MED1: variants seen among roughly 807,000 people sequenced by gnomAD.
MED1 encodes mediator complex subunit 1.
Under a neutral mutation model 121.3 loss-of-function variants are expected in MED1, and 17 were observed. The observed-to-expected ratio is 0.14, with a 90% CI of 0.10 to 0.21. The LOEUF (loss-of-function observed/expected upper bound fraction) is 0.21. MED1 is among the 10% of genes least tolerant of loss of function. The pLI, the probability that MED1 is intolerant of heterozygous loss-of-function variation, is 1.00. For synonymous variants in MED1, 661 were observed against 694.4 expected, an observed-to-expected ratio of 0.95 and a Z score of 0.76; for missense variants, 1,558 against 1,919.4, an observed-to-expected ratio of 0.81 and a Z score of 3.52.
intron 10 of MED1, among the ~76,000 whole-genome samples, chr17:39,425,777 G>A (rs2048509218): frequency 6.6e-6 from 1 of 151,336 alleles, no homozygotes; most frequent in Non-Finnish European, 1.5e-5. Context: ...ACTCCAGCCT[G>A]GGCGACAGAG....
Position 39,405,452 on chromosome 17 carries a change from C to A in MED1, c.*2023G>T. The A allele has an allele frequency of 7.2e-7, 1 of 1,393,994 alleles. No individual in the cohort carries two copies. Among genetic ancestry groups the A allele is most frequent in the Non-Finnish European group, 9.3e-7 (1 of 1,069,584 alleles). The allele number at this position is 1,393,994 out of a possible 1,614,324, so 86.4% of individuals were successfully genotyped here. A position where few individuals can be genotyped will look rare whatever the true frequency, so the allele number is the denominator to read the frequency against. On this transcript the variant is annotated 3_prime_UTR_variant, in exon 17 of 17. Coordinates refer to ENST00000300651, the MANE Select transcript of MED1 (RefSeq NM_004774.4). ...CCCACTCAGAACAAATTTTAAAAACCACATAAATTTTTTTTTTTTTCCTGC... is the reference window on the plus strand; with the variant it reads ...CCCACTCAGAACAAATTTTAAAAACAACATAAATTTTTTTTTTTTTCCTGC...
At position 39,408,549 on chromosome 17, in the gene MED1, A is replaced by C. The variant is rs1479426919; in HGVS notation, c.3672T>G (p.Pro1224=). ...GAGAACCACCAGAACCTGAACTGAT[A>C]GGGGACTTGGCTTTAGAGGATGGAG... is the stretch of plus-strand genomic sequence containing the variant. ...GTPPSSKAKS[P]ISSGSGGSHM... The change falls in exon 17 of 17, where the codon CCT becomes CCG. Residue 1224 remains proline, a synonymous_variant. Transcript: ENST00000300651. The surrounding 1 kb of genome is among the most constrained non-coding windows in gnomAD (Gnocchi z 4.7). The C allele has an allele frequency of 1.2e-6, 2 of 1,614,202 alleles. No individual in the cohort carries two copies. Among genetic ancestry groups the C allele is most frequent in the South Asian group, 2.2e-5 (2 of 91,082 alleles).
At chr17:39,427,852 T>C in intron 9 of MED1, 62 bp from the exon 10 acceptor site, 1 of 993,382 alleles carries the variant, frequency 1.0e-6, no homozygotes, top group East Asian at 2.5e-5. Flanking sequence ...CAGAAAAACA[T>C]TAACATTTAT....
chr17:39,414,733 A>G (rs12948560), intron 16 of MED1, among the ~76,000 whole-genome samples: 100,320 of 143,902 alleles, frequency 0.7, 35,182 homozygotes, highest in South Asian at 0.89. Context: ...GCAATGGCGC[A>G]ATCTTGGCTC....
chr17:39,444,744 C>T (rs546109403), intron 2 of MED1, among the ~76,000 whole-genome samples: 1 of 152,098 alleles, frequency 6.6e-6, no homozygotes, highest in South Asian at 2.1e-4. Flanking sequence ...TGGTACGCGC[C>T]TGTAGTCCCA....
chr17:39,435,894 G>A (rs992814398), intron 6 of MED1, among the ~76,000 whole-genome samples: 7 of 152,094 alleles, frequency 4.6e-5, no homozygotes, highest in African/African-American at 1.4e-4. Flanking sequence ...GTAGACATAA[G>A]GTTTCACCAT....
intron 16 of MED1, 48 bp from the exon 17 acceptor site, chr17:39,410,769 A>AT: frequency 6.5e-7 from 1 of 1,542,690 alleles, no homozygotes; most frequent in Admixed American, 2.0e-5. Flanking sequence ...TAGCTGCTGA[A>AT]TGAGACCTGA....
rs377392654 is a variant in MED1 at position 39,431,064 on chromosome 17, C to T, written c.649+51G>A. On this transcript the variant is annotated intron_variant, in intron 9 of 16. Coordinates refer to ENST00000300651, the MANE Select transcript of MED1 (RefSeq NM_004774.4). ...TAAAGGTGAAATGAAAAGTAATGAC[C>T]CTCAACTTAAATTACACATGTTTCT... 2.5e-4 allele frequency: 365 copies of T among 1,449,504 alleles called. 2 individuals are homozygous for T. Among genetic ancestry groups the T allele is most frequent in the Non-Finnish European group, 3.4e-4 (348 of 1,036,454 alleles). 89.8% of individuals were successfully genotyped at this position (1,449,504 alleles called of 1,614,324 possible).
At chr17:39,414,938 G>A in intron 16 of MED1, 88 bp downstream of exon 16, 1 of 1,164,662 alleles carries the variant, frequency 8.6e-7, no homozygotes, top group Admixed American at 1.7e-5. Flanking sequence ...AAAGTGTGGG[G>A]ATTACAGGCG....
At chr17:39,415,881 T>C (rs1186065122) in intron 14 of MED1, among the ~76,000 whole-genome samples, 2 of 141,948 alleles carry the variant, frequency 1.4e-5, no homozygotes, top group African/African-American at 5.3e-5. Flanking sequence ...TCCTAGCTAC[T>C]CAGAGGGCTG....
intron 8 of MED1, 71 bp from the exon 9 acceptor site, chr17:39,431,259 G>C: frequency 1.6e-6 from 2 of 1,222,758 alleles, no homozygotes; most frequent in Non-Finnish European, 2.3e-6. Context: ...GTGATATTGA[G>C]TTCACCTCTC....
intron 14 of MED1, among the ~76,000 whole-genome samples, chr17:39,417,060 G>A (rs2048416030): frequency 6.6e-6 from 1 of 152,068 alleles, no homozygotes; most frequent in Non-Finnish European, 1.5e-5. Flanking sequence ...TCCAGGCATG[G>A]TGGCTCACGC....
intron 7 of MED1, 114 bp downstream of exon 7, chr17:39,434,135 G>A (rs1191738019): frequency 4.5e-6 from 3 of 664,380 alleles, no homozygotes; most frequent in Non-Finnish European, 7.8e-6. Flanking sequence ...TGCAGTATAA[G>A]TAGAAACTAG....
chr17:39,446,029 T>TA (rs749371778), intron 2 of MED1, among the ~76,000 whole-genome samples: 1,678 of 113,378 alleles, frequency 0.015, 23 homozygotes, highest in African/African-American at 0.045. Flanking sequence ...ATTCCATCTT[T>TA]AAAAAAAAAA....
chr17:39,408,331 C>G lies in MED1; in HGVS notation c.3890G>C (p.Arg1297Thr), dbSNP rs1381710250. Residue 1297 changes from arginine to threonine, a missense_variant, in exon 17 of 17, where the codon AGA becomes ACA. Physicochemically the swap from Arg to Thr is moderately conservative, Grantham distance 71 (BLOSUM62 -1). Transcript: ENST00000300651. The surrounding 1 kb of genome is among the most constrained non-coding windows in gnomAD (Gnocchi z 4.7). ...HGSSKGKSPS[R>T]NKKPSLTAVI... The stretch of plus-strand genomic sequence containing the variant: ...AGCTGTCAAGGACGGCTTCTTGTTT[C>G]TGCTGGGAGATTTTCCTTTAGAACT... The G allele has an allele frequency of 1.2e-6, 2 of 1,614,150 alleles. No homozygotes were observed. The highest frequency in any genetic ancestry group is 1.7e-6 in the Non-Finnish European group (2 of 1,180,018).
intron 2 of MED1, chr17:39,445,669 T>G: frequency 6.6e-6 from 1 of 152,118 alleles, no homozygotes; most frequent in Non-Finnish European, 1.5e-5. Context: ...TCTCACAATG[T>G]CTCTCTAATG....
intron 1 of MED1, among the ~76,000 whole-genome samples, chr17:39,448,843 A>T (rs2048754692): frequency 1.3e-5 from 2 of 152,132 alleles, no homozygotes; most frequent in South Asian, 4.1e-4. Context: ...CAGGAGGCGG[A>T]GGTTGCAGTG....
Position 39,408,425 on chromosome 17 carries a change from A to T in MED1, c.3796T>A (p.Cys1266Ser), listed in dbSNP as rs142915986. 349 of 1,614,204 alleles carry T rather than the reference A, an allele frequency of 2.2e-4. 3 individuals are homozygous for T. In the Admixed American group the frequency reaches 2.8e-3, roughly 13 times the overall value. Residue 1266 changes from cysteine (C) to serine (S), a missense_variant, in exon 17 of 17, where the codon TGT becomes AGT. This residue lies in a region of MED1 where 793 missense variants were observed against 898.2 expected (regional missense o/e 0.88). Transcript: ENST00000300651. This position sits in a 1 kb window ranked among gnomAD's most constrained non-coding sequence, Gnocchi z 4.7. ...GAAAAGGAGGAGGAAGATGCCGTACAGGAATTAGATGATGGGGGAGTTTTC... is the reference window on the plus strand; with the variant it reads ...GAAAAGGAGGAGGAAGATGCCGTACTGGAATTAGATGATGGGGGAGTTTTC... ...SQKTPPSSNS[C>S]TASSSSFSSS...
At position 39,431,147 on chromosome 17, in the gene MED1, C is replaced by G. The variant is rs370426663; in HGVS notation, c.617G>C (p.Gly206Ala). The part of the protein sequence containing the change: ...NAGPLDKILH[G>A]SVGYLTPRSG... ...CCTTGGTGTGAGATAGCCAACACTT[C>G]CATGAAGAATCTTATCCAAGGGACC... is the stretch of plus-strand genomic sequence containing the variant. Residue 206 changes from glycine (G) to alanine (A), a missense_variant, in exon 9 of 17, where the codon GGA becomes GCA. Transcript: ENST00000300651. 11 of 1,613,684 alleles carry G rather than the reference C, an allele frequency of 6.8e-6. No individual in the cohort carries two copies. In the African/African-American group the frequency reaches 1.5e-4, roughly 22 times the overall value.
Sources: allele counts gnomAD v4.1 joint callset (sites outside exome capture counted in the v4.1 genomes callset), GRCh38; gene constraint gnomAD v4.1.1; regional missense constraint gnomAD v4.1.1; non-coding constraint Gnocchi (gnomAD v3.1); transcripts MANE v1.5; gene names NCBI Gene and HGNC (gene_info 2026-07-23, HGNC 2026-07-21).